The following SPATA6 variants were observed in gnomAD, a reference collection of about 807,000 sequenced individuals.
SPATA6 encodes spermatogenesis associated 6.
In SPATA6, 56 loss-of-function variants were observed where a neutral mutation model predicts 65.3. That is an observed-to-expected ratio of 0.86 (90% CI 0.69 to 1.07). SPATA6 has a LOEUF of 1.07. Ranked by LOEUF, SPATA6 falls within the 50% of genes least tolerant of loss-of-function variation. The pLI is 0.00. For synonymous variants in SPATA6, 199 were observed against 213.2 expected (o/e 0.93, Z 0.58); for missense variants, 590 against 594.8 (o/e 0.99, Z 0.08).
intron 11 of SPATA6, among the ~76,000 whole-genome samples, chr1:48,316,091 A>G (rs921428666): frequency 4.6e-5 from 7 of 152,240 alleles, no homozygotes; most frequent in Admixed American, 6.5e-5. Context: ...CAATATCATG[A>G]AAATGGCCAT....
chr1:48,372,156 C>CA (rs1197942061), intron 9 of SPATA6, among the ~76,000 whole-genome samples: 16 of 152,096 alleles, frequency 1.1e-4, no homozygotes, highest in Admixed American at 1.0e-3. Flanking sequence ...AGCATTAACC[C>CA]AAAAGTCCAC....
At chr1:48,307,684 A>C (rs1187058173) in intron 11 of SPATA6, among the ~76,000 whole-genome samples, 1 of 151,660 alleles carries the variant, frequency 6.6e-6, no homozygotes, top group Non-Finnish European at 1.5e-5. Flanking sequence ...CCACTGGTGA[A>C]TATGGGATAC....
intron 11 of SPATA6, among the ~76,000 whole-genome samples, chr1:48,345,228 G>C (rs1037787016): frequency 6.6e-6 from 1 of 151,984 alleles, no homozygotes; most frequent in Non-Finnish European, 1.5e-5. Flanking sequence ...TGAACAAACT[G>C]CTCCTGAATG....
intron 9 of SPATA6, among the ~76,000 whole-genome samples, chr1:48,366,849 G>C (rs920204536): frequency 6.6e-6 from 1 of 152,120 alleles, no homozygotes; most frequent in Non-Finnish European, 1.5e-5. Context: ...TTTTGAATGT[G>C]TTTGCTCTTG....
chr1:48,372,772 C>T (rs1418752130), intron 9 of SPATA6, among the ~76,000 whole-genome samples: 1 of 152,276 alleles, frequency 6.6e-6, no homozygotes, highest in Non-Finnish European at 1.5e-5. Context: ...CAATTCTTGA[C>T]TTCTGTGCAC....
At chr1:48,452,237 G>GGGAA (rs1656634819) in intron 2 of SPATA6, among the ~76,000 whole-genome samples, 1 of 151,898 alleles carries the variant, frequency 6.6e-6, no homozygotes, top group African/African-American at 2.4e-5. Context: ...GACGGAAAAA[G>GGGAA]GGAAGGAAGG....
intron 11 of SPATA6, among the ~76,000 whole-genome samples, chr1:48,306,108 G>C (rs1414279971): frequency 1.3e-5 from 2 of 151,912 alleles, no homozygotes; most frequent in African/African-American, 4.8e-5. Flanking sequence ...GCTTATCAAA[G>C]ACTAGGTATC....
At chr1:48,469,791 C>G (rs559665310) in intron 1 of SPATA6, among the ~76,000 whole-genome samples, 2 of 148,732 alleles carry the variant, frequency 1.3e-5, no homozygotes, top group South Asian at 4.2e-4. Flanking sequence ...TTTACGTCTG[C>G]TAGTGGGGTT....
rs147347742 is a variant in SPATA6 at position 48,414,134 on chromosome 1, C to G, written c.239-983G>C. 7.0e-3 allele frequency among the ~76,000 whole-genome samples: 1,060 copies of G among 152,252 alleles called. 13 individuals carry two copies. Among genetic ancestry groups the G allele is most frequent in the African/African-American group, 0.024 (1,016 of 41,546 alleles). ...GTGGGTCGCCTGAACTGATGAATTG[C>G]TGGAAGCTCAGTGCGGACAAGTGTG... On this transcript the variant is annotated intron_variant, in intron 3 of 12. Coordinates refer to ENST00000371847, the MANE Select transcript of SPATA6 (RefSeq NM_019073.4).
At chr1:48,400,531 G>A (rs554123904) in intron 6 of SPATA6, among the ~76,000 whole-genome samples, 3 of 151,992 alleles carry the variant, frequency 2.0e-5, no homozygotes, top group South Asian at 2.1e-4. Context: ...AATGGACTGC[G>A]GAGAATTTTT....
chr1:48,370,686 C>T (rs1647211543), intron 9 of SPATA6, among the ~76,000 whole-genome samples: 1 of 152,222 alleles, frequency 6.6e-6, no homozygotes, highest in Admixed American at 6.5e-5. Context: ...ATCCTCACAA[C>T]AACCTTATAA....
At chr1:48,345,316 C>G (rs1160310973) in intron 11 of SPATA6, among the ~76,000 whole-genome samples, 1 of 152,104 alleles carries the variant, frequency 6.6e-6, no homozygotes, top group East Asian at 1.9e-4. Context: ...TACAACATAT[C>G]AGAATCACTG....
the SPATA6 span, among the ~76,000 whole-genome samples, chr1:48,289,142 G>A: frequency 1.1e-4 from 17 of 152,288 alleles, no homozygotes; most frequent in East Asian, 1.9e-4. Context: ...CCTCTGAGAC[G>A]AAGCTTCCAG....
At chr1:48,364,575 T>G (rs952113902) in intron 9 of SPATA6, among the ~76,000 whole-genome samples, 1 of 152,260 alleles carries the variant, frequency 6.6e-6, no homozygotes, top group Non-Finnish European at 1.5e-5. Context: ...TTTTTTCATG[T>G]GTTTTTTGGC....
chr1:48,442,275 G>A, intron 3 of SPATA6, among the ~76,000 whole-genome samples: 1 of 152,198 alleles, frequency 6.6e-6, no homozygotes, highest in East Asian at 1.9e-4. Context: ...AAGAATAAAA[G>A]TGTACACGGA....
intron 1 of SPATA6, among the ~76,000 whole-genome samples, chr1:48,454,864 C>T (rs1447402720): frequency 1.3e-5 from 2 of 152,168 alleles, no homozygotes; most frequent in Non-Finnish European, 2.9e-5. Flanking sequence ...CTTGACAGAA[C>T]ATTCATTAAT....
intron 11 of SPATA6, among the ~76,000 whole-genome samples, chr1:48,336,122 C>A (rs12143762): frequency 0.077 from 11,636 of 151,936 alleles, 588 homozygotes; most frequent in East Asian, 0.23. Context: ...GTTAAAAAGT[C>A]AAAAAATAAC....
intron 11 of SPATA6, among the ~76,000 whole-genome samples, chr1:48,315,120 G>A (rs1265349365): frequency 6.6e-6 from 1 of 152,148 alleles, no homozygotes. Flanking sequence ...GGTACAAGGA[G>A]GAGCTGGTAC....
chr1:48,314,001 T>A (rs1645316608), intron 11 of SPATA6, among the ~76,000 whole-genome samples: 1 of 152,160 alleles, frequency 6.6e-6, no homozygotes, highest in African/African-American at 2.4e-5. Context: ...CTATCCTAAA[T>A]ACATATGCAC....
Sources: allele counts gnomAD v4.1 joint callset (sites outside exome capture counted in the v4.1 genomes callset), GRCh38; gene constraint gnomAD v4.1.1; transcripts MANE v1.5; gene names NCBI Gene and HGNC (gene_info 2026-07-23, HGNC 2026-07-21).